GOLGB1: variants seen among roughly 807,000 people sequenced by gnomAD.
GOLGB1 encodes golgin subfamily B member 1.
A neutral mutation model predicts 336.9 loss-of-function variants in GOLGB1; 174 were observed. The ratio of observed to expected loss-of-function variants is 0.52; its 90% CI spans 0.46 to 0.59. The LOEUF is 0.59. GOLGB1 is among the 20% of genes least tolerant of loss of function. GOLGB1 has a pLI of 0.00. For missense variants in GOLGB1, 3,331 were observed against 3,645.3 expected, an observed-to-expected ratio of 0.91 and a Z score of 2.22; for synonymous variants, 1,208 against 1,289.2, an observed-to-expected ratio of 0.94 and a Z score of 1.35.
At chr3:121,665,103 G>T in intron 20 of GOLGB1, 72 bp from the exon 21 acceptor site, 1 of 840,234 alleles carries the variant, frequency 1.2e-6, no homozygotes, top group Non-Finnish European at 2.0e-6. Flanking sequence ...AGTCTTCCCA[G>T]TCATCCTGCC....
chr3:121,705,493 C>T (rs1037118625), intron 10 of GOLGB1, among the ~76,000 whole-genome samples: 4 of 152,194 alleles, frequency 2.6e-5, no homozygotes, highest in African/African-American at 9.7e-5. Flanking sequence ...ATCCCTAAAA[C>T]TGACCAAGCT....
Position 121,692,334 on chromosome 3 carries a change from C to T in GOLGB1, c.7030G>A (p.Glu2344Lys). ...EKCKEQKGNL[E>K]GIIRQQEADI... ...GCCTCTTGCTGCCTTATGATCCCTT[C>T]CAAGTTTCCTTTTTGTTCCTTACAT... is the stretch of plus-strand genomic sequence containing the variant. Residue 2344 changes from glutamate (E) to lysine (K), a missense_variant, in exon 14 of 22, where the codon GAA becomes AAA. Physicochemically the swap from Glu to Lys is moderately conservative, Grantham distance 56 (BLOSUM62 1). Coordinates refer to ENST00000614479, the MANE Select transcript of GOLGB1 (RefSeq NM_001366282.2). 1 of 1,607,936 alleles carries T rather than the reference C, an allele frequency of 6.2e-7. No individual in the cohort carries two copies. Among genetic ancestry groups the T allele is most frequent in the Non-Finnish European group, 8.5e-7 (1 of 1,178,452 alleles).
chr3:121,695,916 T>C lies in GOLGB1; in HGVS notation c.4607A>G (p.Asn1536Ser). 1.9e-6 allele frequency: 3 copies of C among 1,613,628 alleles called. No individual in the cohort carries two copies. Among genetic ancestry groups the C allele is most frequent in the Non-Finnish European group, 2.5e-6 (3 of 1,179,904 alleles). ...ADVESQVSAQ[N>S]KEKDTVLGRL... ...TCCTAAGACCGTATCTTTTTCTTTA[T>C]TTTGAGCAGAAACTTGGCTTTCCAC... Residue 1536 changes from asparagine (N) to serine (S), a missense_variant, in exon 13 of 22, where the codon AAT becomes AGT. By Grantham distance (46) the Asn-to-Ser change is conservative. Coordinates refer to ENST00000614479, the MANE Select transcript of GOLGB1 (RefSeq NM_001366282.2).
At position 121,694,229 on chromosome 3, in the gene GOLGB1, C is replaced by G. The variant is rs771458688; in HGVS notation, c.6294G>C (p.Arg2098Ser). 3 of 1,611,224 alleles carry G rather than the reference C, an allele frequency of 1.9e-6. No individual in the cohort carries two copies. Among genetic ancestry groups the G allele is most frequent in the South Asian group, 1.1e-5 (1 of 91,074 alleles). ...TCAACTTGAGATTGTCTGCTAGGAC[C>G]CTTGCTGCTTCACTTTGAGTGTCAT... is the stretch of plus-strand genomic sequence containing the variant. ...LLDDTQSEAARVLADNLKLKK... is the reference protein window; with the variant it reads ...LLDDTQSEAASVLADNLKLKK... Residue 2098 changes from arginine to serine, a missense_variant, in exon 13 of 22, where the codon AGG becomes AGC. Arg to Ser is a moderately radical substitution (Grantham distance 110). Transcript: ENST00000614479.
At position 121,696,218 on chromosome 3, in the gene GOLGB1, T is replaced by C. The variant is rs761758517; in HGVS notation, c.4305A>G (p.Ile1435Met). 1 of 1,614,090 alleles carries C rather than the reference T, an allele frequency of 6.2e-7. No individual in the cohort carries two copies. Among genetic ancestry groups the C allele is most frequent in the Non-Finnish European group, 8.5e-7 (1 of 1,179,940 alleles). The change falls in exon 13 of 22, where the codon ATA (isoleucine) becomes ATG (methionine). Residue 1435 changes from isoleucine (I) to methionine (M), a missense_variant. By Grantham distance (10) the Ile-to-Met change is conservative. Coordinates refer to ENST00000614479, the MANE Select transcript of GOLGB1 (RefSeq NM_001366282.2). ...GAGCCTTAATTAAATCTTCTTGTTC[T>C]ATTATCTCTGTCTGTATTTTAGTGA... ...AALTKIQTEI[I>M]EQEDLIKALH...
Position 121,674,825 on chromosome 3 carries a change from C to CTTTTT in GOLGB1, c.9177+2063_9177+2067dup, listed in dbSNP as rs891603400. 1.1e-3 allele frequency among the ~76,000 whole-genome samples: 128 copies of CTTTTT among 120,976 alleles called. 1 individual carries two copies. The highest frequency in any genetic ancestry group is 2.2e-3 in the South Asian group (8 of 3,668). The allele number at this position is 120,976 out of a possible 152,430, so 79.4% of individuals were successfully genotyped here. On this transcript the variant is annotated intron_variant, in intron 17 of 21. Transcript: ENST00000614479. ...ATAAGGCTAGGAATGAGGTGCCTTT[C>CTTTTT]TTTTTTTTTTTTTTTTTTTTTGAGA...
chr3:121,697,331 T>G lies in GOLGB1; in HGVS notation c.3192A>C (p.Glu1064Asp), dbSNP rs1255044978. ...CAGATATTGTCTGTTTTAAATAAAT[T>G]TCTATTTCTTGGCACTTAGAAGTCA... ...KCVTSKCQEI[E>D]IYLKQTISEK... The change falls in exon 13 of 22, where the codon GAA becomes GAC. Residue 1064 changes from glutamate (E) to aspartate (D), a missense_variant. By Grantham distance (45) the Glu-to-Asp change is conservative. Coordinates refer to ENST00000614479, the MANE Select transcript of GOLGB1 (RefSeq NM_001366282.2). 6.2e-7 allele frequency: 1 copy of G among 1,613,600 alleles called. No homozygotes were observed. The highest frequency in any genetic ancestry group is 8.5e-7 in the Non-Finnish European group (1 of 1,179,774).
intron 17 of GOLGB1, among the ~76,000 whole-genome samples, chr3:121,674,443 C>T (rs752925137): frequency 6.6e-5 from 10 of 152,194 alleles, no homozygotes; most frequent in African/African-American, 2.4e-4. Flanking sequence ...TAATACAATA[C>T]AAATGCTATA....
intron 15 of GOLGB1, among the ~76,000 whole-genome samples, chr3:121,677,878 C>G (rs1369498294): frequency 6.6e-6 from 1 of 152,122 alleles, no homozygotes; most frequent in African/African-American, 2.4e-5. Flanking sequence ...TACCAATCAC[C>G]TTTGGAGGGC....
At position 121,693,558 on chromosome 3, in the gene GOLGB1, T is replaced by C. The variant is rs542492844; in HGVS notation, c.6782+183A>G. 3.8e-3 allele frequency among the ~76,000 whole-genome samples: 578 copies of C among 152,292 alleles called. 1 individual carries two copies. Among genetic ancestry groups the C allele is most frequent in the Middle Eastern group, 6.8e-3 (2 of 294 alleles). On this transcript the variant is annotated intron_variant, in intron 13 of 21. Coordinates refer to ENST00000614479, the MANE Select transcript of GOLGB1 (RefSeq NM_001366282.2). Reference sequence around the variant, plus strand: ...GGGAAGAGAAGATGCGAACTTTTCATGTTCATGCAGTTGTAGCAGGATTGT... The same window carrying C: ...GGGAAGAGAAGATGCGAACTTTTCACGTTCATGCAGTTGTAGCAGGATTGT...
intron 10 of GOLGB1, among the ~76,000 whole-genome samples, chr3:121,714,535 A>G (rs1944610059): frequency 6.6e-6 from 1 of 152,182 alleles, no homozygotes; most frequent in African/African-American, 2.4e-5. Flanking sequence ...CAAAAAAAAA[A>G]AAGACTTCCG....
At chr3:121,666,754 C>G (rs1014099529) in intron 20 of GOLGB1, among the ~76,000 whole-genome samples, 3 of 152,176 alleles carry the variant, frequency 2.0e-5, no homozygotes, top group Non-Finnish European at 4.4e-5. Context: ...AAAGTGCCTG[C>G]TTTTAACGAT....
chr3:121,697,782 C>T lies in GOLGB1; in HGVS notation c.2741G>A (p.Ser914Asn), dbSNP rs771349017. ...AAGCTGAACCATTTTCTCAGTCATA[C>T]TAAAGCTGATTTCTGTCACTTGTTG... ...KDQQVTEISF[S>N]MTEKMVQLNE... Residue 914 changes from serine to asparagine, a missense_variant, in exon 13 of 22, where the codon AGT becomes AAT. Coordinates refer to ENST00000614479, the MANE Select transcript of GOLGB1 (RefSeq NM_001366282.2). 6.2e-7 allele frequency: 1 copy of T among 1,614,042 alleles called. No individual in the cohort carries two copies. The highest frequency in any genetic ancestry group is 1.1e-5 in the South Asian group (1 of 91,082).
rs571582535 is a variant in GOLGB1 at position 121,666,791 on chromosome 3, A to G, written c.9554+685T>C. Among the ~76,000 whole-genome samples, 5 of 152,356 alleles carry G rather than the reference A, an allele frequency of 3.3e-5. No individual in the cohort carries two copies. In the East Asian group the frequency reaches 9.6e-4, roughly 29 times the overall value. On this transcript the variant is annotated intron_variant, in intron 20 of 21. Coordinates refer to ENST00000614479, the MANE Select transcript of GOLGB1 (RefSeq NM_001366282.2). ...TTTTCCGTGGAAAGGGACTTCCAGCAGCAAAATACTTGTAGCAACTCTCTA... is the reference window on the plus strand; with the variant it reads ...TTTTCCGTGGAAAGGGACTTCCAGCGGCAAAATACTTGTAGCAACTCTCTA...
intron 17 of GOLGB1, among the ~76,000 whole-genome samples, chr3:121,670,983 T>C (rs1035725972): frequency 1.3e-5 from 2 of 152,150 alleles, no homozygotes; most frequent in African/African-American, 2.4e-5. Context: ...AGTTTAGGGG[T>C]TGGCAAACTA....
At chr3:121,727,379 G>A (rs1363909166) in intron 4 of GOLGB1, among the ~76,000 whole-genome samples, 3 of 121,204 alleles carry the variant, frequency 2.5e-5, no homozygotes, top group African/African-American at 6.5e-5. Context: ...ACCCAAAACT[G>A]TGGACAATAT....
In GOLGB1 at chr3:121,691,983, T is replaced by C; in HGVS notation, c.7381A>G (p.Lys2461Glu). The C allele has an allele frequency of 6.2e-7, 1 of 1,613,980 alleles. No homozygotes were observed. Among genetic ancestry groups the C allele is most frequent in the Non-Finnish European group, 8.5e-7 (1 of 1,179,906 alleles). The change falls in exon 14 of 22, where the codon AAG becomes GAG. Residue 2461 changes from lysine to glutamate, a missense_variant. Coordinates refer to ENST00000614479, the MANE Select transcript of GOLGB1 (RefSeq NM_001366282.2). ...TTAACAAAGGAATCCAACTGTGCCTTTTGCTGAATGTTTTCCTTTTTGATG... is the reference window on the plus strand; with the variant it reads ...TTAACAAAGGAATCCAACTGTGCCTCTTGCTGAATGTTTTCCTTTTTGATG... The part of the protein sequence containing the change: ...KTIKKENIQQ[K>E]AQLDSFVKSM...
chr3:121,730,089 C>T, intron 2 of GOLGB1, 72 bp from the exon 3 acceptor site: 1 of 1,028,438 alleles, frequency 9.7e-7, no homozygotes, highest in Non-Finnish European at 1.4e-6. Flanking sequence ...TTTCTTCATT[C>T]CAACTTTTTA....
At chr3:121,672,577 G>T (rs967931024) in intron 17 of GOLGB1, among the ~76,000 whole-genome samples, 1 of 152,152 alleles carries the variant, frequency 6.6e-6, no homozygotes, top group Non-Finnish European at 1.5e-5. Context: ...TCATTCTGTG[G>T]ATTGTCTCTT....
Sources: gnomAD v4.1 joint callset for allele counts (sites outside exome capture counted in the v4.1 genomes callset) on GRCh38, gnomAD v4.1.1 for gene constraint, MANE v1.5 for transcripts, NCBI Gene and HGNC (gene_info 2026-07-23, HGNC 2026-07-21) for gene names.